RASIP1: variants seen among roughly 807,000 people sequenced by gnomAD.
The protein encoded by RASIP1 is Ras interacting protein 1, also known as ras-interacting protein 1.
RASIP1 carries 20 observed loss-of-function variants against 85.3 expected under a neutral mutation model. That is an observed-to-expected ratio of 0.23 (90% CI 0.17 to 0.34). The LOEUF is 0.34. RASIP1 is among the 10% of genes least tolerant of loss of function. The probability of loss-of-function intolerance (pLI) is 1.00; values close to 1 mark genes in which losing one functional copy is unlikely to be tolerated. For synonymous variants in RASIP1, 617 were observed against 647.1 expected (o/e 0.95, Z 0.71); for missense variants, 1,170 against 1,390.9 (o/e 0.84, Z 2.53).
intron 4 of RASIP1, 113 bp downstream of exon 4, chr19:48,735,083 A>C (rs2033544634): frequency 4.2e-6 from 4 of 952,340 alleles, no homozygotes; most frequent in Non-Finnish European, 6.1e-6. Flanking sequence ...ACGCCCCACT[A>C]GAGTACTTGA....
In RASIP1 at chr19:48,739,544, C is replaced by G; in HGVS notation, c.239G>C (p.Gly80Ala). ...RRVGAVKAAG[G>A]ASGSRAKRIS... Reference sequence around the variant, plus strand: ...GCGCTTGGCGCGGCTACCGGAGGCTCCCCCGGCCGCCTTGACAGCGCCCAC... The same window carrying G: ...GCGCTTGGCGCGGCTACCGGAGGCTGCCCCGGCCGCCTTGACAGCGCCCAC... Residue 80 changes from glycine to alanine, a missense_variant, in exon 3 of 12, where the codon GGA becomes GCA. By Grantham distance (60) the Gly-to-Ala change is moderately conservative. This residue lies in a region of RASIP1 where 299 missense variants were observed against 394.4 expected (regional missense o/e 0.76). Coordinates refer to ENST00000222145, the MANE Select transcript of RASIP1 (RefSeq NM_017805.3). This position sits in a 1 kb window ranked among gnomAD's most constrained non-coding sequence, Gnocchi z 9.2. 1 of 1,513,860 alleles carries G rather than the reference C, an allele frequency of 6.6e-7. No homozygotes were observed. Among genetic ancestry groups the G allele is most frequent in the Non-Finnish European group, 8.8e-7 (1 of 1,135,502 alleles). 93.8% of individuals were successfully genotyped at this position (1,513,860 alleles called of 1,614,324 possible). A position where few individuals can be genotyped will look rare whatever the true frequency, so the allele number is the denominator to read the frequency against.
In RASIP1 at chr19:48,726,820, A is replaced by G; in HGVS notation, c.2092T>C (p.Cys698Arg). ...AMALLDEVIM[C>R]TFQQSVYYLT... ...TAGTAGACAGACTGCTGGAAGGTAC[A>G]CATGATGACCTCATCCAGGAGGGCC... The change falls in exon 8 of 12, where the codon TGT becomes CGT. Residue 698 changes from cysteine to arginine, a missense_variant. Cys to Arg is a radical substitution (Grantham distance 180). Coordinates refer to ENST00000222145, the MANE Select transcript of RASIP1 (RefSeq NM_017805.3). 1 of 1,614,006 alleles carries G rather than the reference A, an allele frequency of 6.2e-7. No homozygotes were observed. The highest frequency in any genetic ancestry group is 8.5e-7 in the Non-Finnish European group (1 of 1,179,918).
Position 48,739,611 on chromosome 19 carries a change from C to T in RASIP1, c.172G>A (p.Glu58Lys), listed in dbSNP as rs2033633301. 2 of 1,459,986 alleles carry T rather than the reference C, an allele frequency of 1.4e-6. No individual in the cohort carries two copies. Among genetic ancestry groups the T allele is most frequent in the Non-Finnish European group, 1.8e-6 (2 of 1,106,894 alleles). 90.4% of individuals were successfully genotyped at this position (1,459,986 alleles called of 1,614,324 possible). A position where few individuals can be genotyped will look rare whatever the true frequency, so the allele number is the denominator to read the frequency against. Residue 58 changes from glutamate (E) to lysine (K), a missense_variant, in exon 3 of 12, where the codon GAG becomes AAG. Transcript: ENST00000222145. The surrounding 1 kb of genome is among the most constrained non-coding windows in gnomAD (Gnocchi z 9.2). ...TGCGGCGGGGGCGGAGGTAGCGGCT[C>T]GCTGCTGCGGCTCCCCGTGTCCGAC... ...SSSDTGSRSS[E>K]PLPPPPPHVE...
At chr19:48,732,595 C>G (rs1461464845) in intron 4 of RASIP1, among the ~76,000 whole-genome samples, 1 of 152,070 alleles carries the variant, frequency 6.6e-6, no homozygotes, top group South Asian at 2.1e-4. Flanking sequence ...ACTATGTTGC[C>G]CAGGCTTACT....
rs1173265163 is a variant in RASIP1, at chr19:48,724,115, T to A, written c.2544+222A>T. ...GAGCCACTGCTCCTGGCCTGGAAACTATTTTTAATAAGTTCCACCAGGATT... is the reference window on the plus strand; with the variant it reads ...GAGCCACTGCTCCTGGCCTGGAAACAATTTTTAATAAGTTCCACCAGGATT... On this transcript the variant is annotated intron_variant, in intron 10 of 11. Coordinates refer to ENST00000222145, the MANE Select transcript of RASIP1 (RefSeq NM_017805.3). This position sits in a 1 kb window ranked among gnomAD's most constrained non-coding sequence, Gnocchi z 4.6. 6.6e-6 allele frequency among the ~76,000 whole-genome samples: 1 copy of A among 152,230 alleles called. No individual in the cohort carries two copies. The highest frequency in any genetic ancestry group is 1.5e-5 in the Non-Finnish European group (1 of 68,042).
At chr19:48,721,746 T>C in intron 11 of RASIP1, 108 bp downstream of exon 11, 1 of 1,368,096 alleles carries the variant, frequency 7.3e-7, no homozygotes, top group Non-Finnish European at 9.8e-7. Context: ...GAGGTTGCAG[T>C]GAGCCAAGAT....
Position 48,740,567 on chromosome 19 carries a change from G to A in RASIP1, c.-51C>T, listed in dbSNP as rs2033656802. ...CCGGAGGCCCTGGCTCCACTGGCCTGGGTCAGTTCCACTGCTCTTGCCTCT... is the reference window on the plus strand; with the variant it reads ...CCGGAGGCCCTGGCTCCACTGGCCTAGGTCAGTTCCACTGCTCTTGCCTCT... On this transcript the variant is annotated 5_prime_UTR_variant, in exon 1 of 12. Transcript: ENST00000222145. This position sits in a 1 kb window ranked among gnomAD's most constrained non-coding sequence, Gnocchi z 5.5. The A allele has an allele frequency of 5.8e-6, 8 of 1,389,200 alleles. No homozygotes were observed. The highest frequency in any genetic ancestry group is 6.5e-6 in the Non-Finnish European group (7 of 1,076,422). 86.1% of individuals were successfully genotyped at this position (1,389,200 alleles called of 1,614,324 possible). A position where few individuals can be genotyped will look rare whatever the true frequency, so the allele number is the denominator to read the frequency against.
rs751758111 is a variant in RASIP1, at chr19:48,724,193, A to G, written c.2544+144T>C. 6 of 782,546 alleles carry G rather than the reference A, an allele frequency of 7.7e-6. No individual in the cohort carries two copies. The highest frequency in any genetic ancestry group is 3.9e-4 in the Middle Eastern group (1 of 2,576). The allele number at this position is 782,546 out of a possible 1,614,324, so 48.5% of individuals were successfully genotyped here. A position where few individuals can be genotyped will look rare whatever the true frequency, so the allele number is the denominator to read the frequency against. ...GGTGCTGGCTTCCTTCTACCTGCCA[A>G]TGTGTTACCCACAGTGTCTGAGCTG... On this transcript the variant is annotated intron_variant, in intron 10 of 11. Coordinates refer to ENST00000222145, the MANE Select transcript of RASIP1 (RefSeq NM_017805.3). This position sits in a 1 kb window ranked among gnomAD's most constrained non-coding sequence, Gnocchi z 4.6.
rs2033214225 is a variant in RASIP1, at chr19:48,720,815, C to T, written c.2875G>A (p.Val959Met). 3 of 1,613,928 alleles carry T rather than the reference C, an allele frequency of 1.9e-6. No individual in the cohort carries two copies. Among genetic ancestry groups the T allele is most frequent in the South Asian group, 2.2e-5 (2 of 91,090 alleles). ...LPANYRHGPP[V>M]ATSP is the part of the protein sequence containing the mutation. ...ATTGGTTCTCAAGGAGACGTGGCCA[C>T]GGGAGGCCCATGGCGATAATTGGCT... The change falls in exon 12 of 12, where the codon GTG becomes ATG. Residue 959 changes from valine to methionine, a missense_variant. By Grantham distance (21) the Val-to-Met change is conservative. Transcript: ENST00000222145.
intron 5 of RASIP1, 30 bp downstream of exon 5, chr19:48,728,907 G>A: frequency 7.0e-7 from 1 of 1,423,762 alleles, no homozygotes; most frequent in Non-Finnish European, 9.1e-7. Context: ...GGGCGCTGGT[G>A]GGGCTGGACG....
chr19:48,724,666 T>C lies in RASIP1; in HGVS notation c.2371+51A>G. Reference sequence around the variant, plus strand: ...CGTGGTGTGTCTAATATGACCTGAGTCTCAGTGGCTCCTGTCTTTGCCTCC... The same window carrying C: ...CGTGGTGTGTCTAATATGACCTGAGCCTCAGTGGCTCCTGTCTTTGCCTCC... On this transcript the variant is annotated intron_variant, in intron 9 of 11. Transcript: ENST00000222145. The surrounding 1 kb of genome is among the most constrained non-coding windows in gnomAD (Gnocchi z 4.6). The C allele has an allele frequency of 6.2e-7, 1 of 1,607,426 alleles. No homozygotes were observed. Among genetic ancestry groups the C allele is most frequent in the Non-Finnish European group, 8.5e-7 (1 of 1,176,276 alleles).
In RASIP1 at chr19:48,739,990, G is replaced by T. The variant is rs980243494; in HGVS notation, c.137+156C>A. On this transcript the variant is annotated intron_variant, in intron 2 of 11. Coordinates refer to ENST00000222145, the MANE Select transcript of RASIP1 (RefSeq NM_017805.3). The surrounding 1 kb of genome is among the most constrained non-coding windows in gnomAD (Gnocchi z 9.2). Reference sequence around the variant, plus strand: ...TAGCTCTTACTCCCACCGCGCCCTGGTATCACTGTGCCCCACCGTCTCCCC... The same window carrying T: ...TAGCTCTTACTCCCACCGCGCCCTGTTATCACTGTGCCCCACCGTCTCCCC... 6.6e-6 allele frequency among the ~76,000 whole-genome samples: 1 copy of T among 152,082 alleles called. No individual in the cohort carries two copies. Among genetic ancestry groups the T allele is most frequent in the African/African-American group, 2.4e-5 (1 of 41,414 alleles).
At chr19:48,737,962 C>T (rs1265091635) in intron 3 of RASIP1, 64 of 983,682 alleles carry the variant, frequency 6.5e-5, no homozygotes, top group Non-Finnish European at 7.0e-5. Context: ...TTTGTTTTTT[C>T]GAGACGAAGT....
At position 48,739,731 on chromosome 19, in the gene RASIP1, G is replaced by C; in HGVS notation, c.138-86C>G. On this transcript the variant is annotated intron_variant, in intron 2 of 11. Transcript: ENST00000222145. The surrounding 1 kb of genome is among the most constrained non-coding windows in gnomAD (Gnocchi z 9.2). ...GGGGTGGGGGCATATTAGGAGGGAA[G>C]TGGGCAGAGACCCAGAGGGAGGACA... The C allele has an allele frequency of 7.5e-7, 1 of 1,339,916 alleles. No individual in the cohort carries two copies. Among genetic ancestry groups the C allele is most frequent in the Non-Finnish European group, 9.6e-7 (1 of 1,043,932 alleles). 83.0% of individuals were successfully genotyped at this position (1,339,916 alleles called of 1,614,324 possible). A position where few individuals can be genotyped will look rare whatever the true frequency, so the allele number is the denominator to read the frequency against.
chr19:48,728,924 G>A lies in RASIP1; in HGVS notation c.1833+13C>T, dbSNP rs750793910. ...GCGCTGGTGGGGCTGGACGGCGATT[G>A]GGGGGCGCTCACCCAGACGGCCTCC... On this transcript the variant is annotated intron_variant, in intron 5 of 11. Coordinates refer to ENST00000222145, the MANE Select transcript of RASIP1 (RefSeq NM_017805.3). The A allele has an allele frequency of 1.0e-5, 15 of 1,435,774 alleles. No homozygotes were observed. The South Asian group carries it at 1.8e-4, about 17-fold the overall frequency. The allele number at this position is 1,435,774 out of a possible 1,614,324, so 88.9% of individuals were successfully genotyped here. A position where few individuals can be genotyped will look rare whatever the true frequency, so the allele number is the denominator to read the frequency against.
Position 48,738,859 on chromosome 19 carries a change from C to T in RASIP1, c.823+101G>A. ...AGTCCCCTCCCGCGGGCCCCGCCCC[C>T]AGCCAGCCCGCGAGTCCCACAAGCC... On this transcript the variant is annotated intron_variant, in intron 3 of 11. Transcript: ENST00000222145. This position sits in a 1 kb window ranked among gnomAD's most constrained non-coding sequence, Gnocchi z 4.0. 9.5e-7 allele frequency: 1 copy of T among 1,055,910 alleles called. No homozygotes were observed. The highest frequency in any genetic ancestry group is 1.2e-6 in the Non-Finnish European group (1 of 854,456). The allele number at this position is 1,055,910 out of a possible 1,614,324, so 65.4% of individuals were successfully genotyped here.
chr19:48,720,877 C>T lies in RASIP1; in HGVS notation c.2813G>A (p.Arg938His), dbSNP rs747036652. Reference sequence around the variant, plus strand: ...CTGCTCAAGATCCCAGAGGAGGCGGCGGAGCCTACGGAGTTCACGGTGCAA... The same window carrying T: ...CTGCTCAAGATCCCAGAGGAGGCGGTGGAGCCTACGGAGTTCACGGTGCAA... ...DALHRELRRL[R>H]RLLWDLEQQE... is the part of the protein sequence containing the mutation. Residue 938 changes from arginine to histidine, a missense_variant, in exon 12 of 12, where the codon CGC becomes CAC. Physicochemically the swap from Arg to His is conservative, Grantham distance 29. Transcript: ENST00000222145. 2.5e-6 allele frequency: 4 copies of T among 1,613,830 alleles called. No homozygotes were observed. The highest frequency in any genetic ancestry group is 3.4e-6 in the Non-Finnish European group (4 of 1,180,012).
Position 48,724,731 on chromosome 19 carries a change from G to C in RASIP1, c.2357C>G (p.Ser786Trp). ...CCAACCTTCACCTCGTTCCATCAGC[G>C]AGTTGAGAAGGGATGCGTTGGAGAA... ...FFFSNASLLN[S>W]LMERGQGRPF... The change falls in exon 9 of 12, where the codon TCG (serine) becomes TGG (tryptophan). Residue 786 changes from serine to tryptophan, a missense_variant. By Grantham distance (177) the Ser-to-Trp change is radical (BLOSUM62 -3). This residue lies in a region of RASIP1 where 426 missense variants were observed against 576.2 expected (regional missense o/e 0.74). Coordinates refer to ENST00000222145, the MANE Select transcript of RASIP1 (RefSeq NM_017805.3). The surrounding 1 kb of genome is among the most constrained non-coding windows in gnomAD (Gnocchi z 4.6). 1 of 1,614,164 alleles carries C rather than the reference G, an allele frequency of 6.2e-7. No individual in the cohort carries two copies. Among genetic ancestry groups the C allele is most frequent in the South Asian group, 1.1e-5 (1 of 91,080 alleles).
In RASIP1 at chr19:48,727,187, C is replaced by G. The variant is rs181270820; in HGVS notation, c.1872-29G>C. 1,012 of 1,611,878 alleles carry G rather than the reference C, an allele frequency of 6.3e-4. 6 individuals carry two copies. The highest frequency in any genetic ancestry group is 5.9e-3 in the Middle Eastern group (29 of 4,944). On this transcript the variant is annotated intron_variant, in intron 6 of 11. Transcript: ENST00000222145. ...GAAAAAGAGGAAGGAATTTGTGATC[C>G]CTGCCCAACCCTCATCATAGTTTAC...
Sources: allele counts gnomAD v4.1 joint callset (sites outside exome capture counted in the v4.1 genomes callset), GRCh38; gene constraint gnomAD v4.1.1; regional missense constraint gnomAD v4.1.1; non-coding constraint Gnocchi (gnomAD v3.1); transcripts MANE v1.5; gene names NCBI Gene and HGNC (gene_info 2026-07-23, HGNC 2026-07-21).